DSCAM: variants seen among roughly 807,000 people sequenced by gnomAD.
DSCAM encodes DS cell adhesion molecule.
DSCAM carries 47 observed loss-of-function variants against 217.7 expected under a neutral mutation model. That is an observed-to-expected ratio of 0.22 (90% CI 0.17 to 0.28). The LOEUF is 0.28. Ranked by LOEUF, DSCAM falls within the 10% of genes least tolerant of loss-of-function variation. DSCAM has a pLI of 1.00. For missense variants in DSCAM, 2,080 were observed against 2,618.3 expected (o/e 0.79, Z 4.49); for synonymous variants, 1,056 against 1,015.3 (o/e 1.04, Z -0.76).
intron 11 of DSCAM, among the ~76,000 whole-genome samples, chr21:40,268,704 T>C (rs999009518): frequency 4.6e-5 from 7 of 152,072 alleles, no homozygotes; most frequent in Non-Finnish European, 7.4e-5. Context: ...ATTCCAGCAC[T>C]TTGGGAGGCC....
At chr21:40,109,250 T>C (rs560473641) in intron 20 of DSCAM, among the ~76,000 whole-genome samples, 1 of 152,202 alleles carries the variant, frequency 6.6e-6, no homozygotes. Flanking sequence ...ACTATGCATC[T>C]GACAAAGGTC....
At chr21:40,273,247 CATG>C (rs919725206) in intron 11 of DSCAM, among the ~76,000 whole-genome samples, 1 of 152,046 alleles carries the variant, frequency 6.6e-6, no homozygotes, top group Non-Finnish European at 1.5e-5. Context: ...GTTTAATTTT[CATG>C]ATAACTCTAT....
chr21:40,811,377 G>C (rs2091837159), intron 1 of DSCAM, among the ~76,000 whole-genome samples: 1 of 152,180 alleles, frequency 6.6e-6, no homozygotes, highest in African/African-American at 2.4e-5. Context: ...ATTAAATCCT[G>C]AATTGACTCA....
chr21:40,185,758 C>G (rs2090887751), intron 14 of DSCAM, among the ~76,000 whole-genome samples: 1 of 147,192 alleles, frequency 6.8e-6, no homozygotes, highest in Admixed American at 6.6e-5. Flanking sequence ...GTCAGCCTCT[C>G]CTCCCTGGGC....
intron 1 of DSCAM, among the ~76,000 whole-genome samples, chr21:40,806,422 T>C (rs2091788092): frequency 6.6e-6 from 1 of 152,250 alleles, no homozygotes; most frequent in African/African-American, 2.4e-5. Flanking sequence ...GATCTGATGA[T>C]ATTTTAAAGT....
At chr21:40,125,973 A>G (rs561257545) in intron 19 of DSCAM, among the ~76,000 whole-genome samples, 2 of 152,342 alleles carry the variant, frequency 1.3e-5, no homozygotes, top group East Asian at 3.9e-4. Flanking sequence ...TTAGGAGGCC[A>G]AGTAGTTTAG....
chr21:40,266,703 T>C (rs1437087391), intron 11 of DSCAM, among the ~76,000 whole-genome samples: 1 of 129,184 alleles, frequency 7.7e-6, no homozygotes, highest in African/African-American at 3.1e-5. Context: ...AAAGATGTTA[T>C]ATATAGATTA....
chr21:40,416,438 T>C (rs1309889770), intron 3 of DSCAM, among the ~76,000 whole-genome samples: 1 of 152,218 alleles, frequency 6.6e-6, no homozygotes, highest in African/African-American at 2.4e-5. Flanking sequence ...GCTTAATGGA[T>C]GCTTGTTGAA....
At chr21:40,604,237 C>T (rs191707558) in intron 3 of DSCAM, among the ~76,000 whole-genome samples, 1 of 152,112 alleles carries the variant, frequency 6.6e-6, no homozygotes, top group South Asian at 2.1e-4. Context: ...ATCAAAGGCA[C>T]TTTTTATTTC....
At chr21:40,490,544 G>A (rs989245340) in intron 3 of DSCAM, among the ~76,000 whole-genome samples, 1 of 152,102 alleles carries the variant, frequency 6.6e-6, no homozygotes. Context: ...GTTAGGGTTG[G>A]GAAGTCTTTG....
At position 40,218,627 on chromosome 21, in the gene DSCAM, G is replaced by A. The variant is rs533216502; in HGVS notation, c.2357-29389C>T. ...TGATTCTTCCTATACATGAGCTTGG[G>A]ATTTTTTTTTTCACTTGTTTGTGTC... On this transcript the variant is annotated intron_variant, in intron 11 of 32. Coordinates refer to ENST00000400454, the MANE Select transcript of DSCAM (RefSeq NM_001389.5). Among the ~76,000 whole-genome samples the A allele has an allele frequency of 6.0e-5, 9 of 150,804 alleles. No individual in the cohort carries two copies. The South Asian group carries it at 1.9e-3, about 32-fold the overall frequency.
At chr21:40,794,209 T>C (rs1257843103) in intron 1 of DSCAM, among the ~76,000 whole-genome samples, 1 of 152,222 alleles carries the variant, frequency 6.6e-6, no homozygotes, top group Non-Finnish European at 1.5e-5. Context: ...TTTAAGTTTC[T>C]AATTGAAACA....
At chr21:40,142,496 T>A in intron 18 of DSCAM, 62 bp downstream of exon 18, 1 of 1,592,540 alleles carries the variant, frequency 6.3e-7, no homozygotes, top group South Asian at 1.1e-5. Flanking sequence ...CTAGGAGGGG[T>A]CTGCAAATTC....
intron 3 of DSCAM, among the ~76,000 whole-genome samples, chr21:40,431,696 T>A (rs1187107257): frequency 6.6e-6 from 1 of 152,236 alleles, no homozygotes; most frequent in Non-Finnish European, 1.5e-5. Flanking sequence ...GTCAATCAAC[T>A]GTTTATCAGT....
At chr21:40,203,315 G>A (rs2146861066) in intron 11 of DSCAM, among the ~76,000 whole-genome samples, 1 of 152,320 alleles carries the variant, frequency 6.6e-6, no homozygotes, top group Middle Eastern at 3.4e-3. Flanking sequence ...AGTACCTGTT[G>A]TTTCTTTCCT....
In DSCAM at chr21:40,124,347, T is replaced by TA; in HGVS notation, c.3563-20dup. ...CCTGGAACTGGAAGAGCCGTGTGTT[T>TA]AGTCACAAGGTGGGGCCTCAACTTG... On this transcript the variant is annotated intron_variant, in intron 19 of 32. Transcript: ENST00000400454. 1.2e-6 allele frequency: 2 copies of TA among 1,613,062 alleles called. No individual in the cohort carries two copies. The highest frequency in any genetic ancestry group is 1.7e-6 in the Non-Finnish European group (2 of 1,179,924).
intron 27 of DSCAM, among the ~76,000 whole-genome samples, chr21:40,066,027 C>T (rs73221360): frequency 6.6e-6 from 1 of 152,322 alleles, no homozygotes; most frequent in Non-Finnish European, 1.5e-5. Flanking sequence ...GTGCAAAGCC[C>T]TCCATCGTCC....
At chr21:40,554,980 A>G (rs1361752769) in intron 3 of DSCAM, among the ~76,000 whole-genome samples, 3 of 152,244 alleles carry the variant, frequency 2.0e-5, no homozygotes, top group African/African-American at 7.2e-5. Flanking sequence ...CCCAGTACCT[A>G]GTGCACAGAA....
At chr21:40,139,761 G>A (rs977491364) in intron 18 of DSCAM, among the ~76,000 whole-genome samples, 12 of 151,256 alleles carry the variant, frequency 7.9e-5, no homozygotes, top group African/African-American at 1.5e-4. Flanking sequence ...GTCATGTGGC[G>A]TGTGGTATAT....
Sources: gnomAD v4.1 joint callset for allele counts (sites outside exome capture counted in the v4.1 genomes callset) on GRCh38, gnomAD v4.1.1 for gene constraint, MANE v1.5 for transcripts, NCBI Gene and HGNC (gene_info 2026-07-23, HGNC 2026-07-21) for gene names.